ARL4A: variants seen among roughly 807,000 people sequenced by gnomAD.
The protein encoded by ARL4A is ADP-ribosylation factor-like protein 4A.
In ARL4A, 5 loss-of-function variants were observed where a neutral mutation model predicts 13.9. The observed-to-expected ratio is 0.36, with a 90% CI of 0.19 to 0.75. ARL4A has a LOEUF of 0.75. Among genes scored for constraint, ARL4A ranks in the 30% least tolerant of loss-of-function variants. The pLI, the probability that ARL4A is intolerant of heterozygous loss-of-function variation, is 0.53. For synonymous variants in ARL4A, 77 were observed against 84.4 expected (o/e 0.91, Z 0.48); for missense variants, 147 against 225.8 (o/e 0.65, Z 2.24).
Position 12,688,755 on chromosome 7 carries a change from C to A in ARL4A, c.501C>A (p.Thr167=). 4 of 1,613,944 alleles carry A rather than the reference C, an allele frequency of 2.5e-6. No homozygotes were observed. Among genetic ancestry groups the A allele is most frequent in the Non-Finnish European group, 3.4e-6 (4 of 1,179,858 alleles). ...CAACTCCTTGGCATTTGCAGCCTAC[C>A]TGTGCAATCATAGGAGATGGCCTAA... ...SSSTPWHLQP[T]CAIIGDGLKE... is the part of the protein sequence containing the mutation. Residue 167 remains threonine, a synonymous_variant, in exon 2 of 2, where the codon ACC becomes ACA. Transcript: ENST00000651779. The surrounding 1 kb of genome is among the most constrained non-coding windows in gnomAD (Gnocchi z 5.2).
Position 12,688,512 on chromosome 7 carries a change from G to C in ARL4A, c.258G>C (p.Trp86Cys). 1 of 1,612,004 alleles carries C rather than the reference G, an allele frequency of 6.2e-7. No individual in the cohort carries two copies. The highest frequency in any genetic ancestry group is 8.5e-7 in the Non-Finnish European group (1 of 1,179,822). The stretch of plus-strand genomic sequence containing the variant: ...GTCAGGAGAAATTAAGGCCACTGTG[G>C]AAGTCATATACCAGATGCACAGATG... ...VGGQEKLRPL[W>C]KSYTRCTDGI... Residue 86 changes from tryptophan to cysteine, a missense_variant, in exon 2 of 2, where the codon TGG becomes TGC. Physicochemically the swap from Trp to Cys is radical, Grantham distance 215. Coordinates refer to ENST00000651779, the MANE Select transcript of ARL4A (RefSeq NM_005738.5). This position sits in a 1 kb window ranked among gnomAD's most constrained non-coding sequence, Gnocchi z 5.2.
Position 12,689,445 on chromosome 7 carries a change from G to GTT in ARL4A, c.*590_*591dup, listed in dbSNP as rs1784582977. 6.0e-6 allele frequency: 1 copy of GTT among 167,206 alleles called. No homozygotes were observed. The highest frequency in any genetic ancestry group is 6.5e-5 in the Admixed American group (1 of 15,288). The allele number at this position is 167,206 out of a possible 1,614,324, so 10.4% of individuals were successfully genotyped here. A position where few individuals can be genotyped will look rare whatever the true frequency, so the allele number is the denominator to read the frequency against. Reference sequence around the variant, plus strand: ...ATAGTATAGCTTAATTCTAGACAATGTTTAAGTTGGTCTACCTTTATTAAA... The same window carrying GTT: ...ATAGTATAGCTTAATTCTAGACAATGTTTTTAAGTTGGTCTACCTTTATTAAA... On this transcript the variant is annotated 3_prime_UTR_variant, in exon 2 of 2. Transcript: ENST00000651779.
At position 12,688,878 on chromosome 7, in the gene ARL4A, T is replaced by C; in HGVS notation, c.*21T>C. 6.4e-7 allele frequency: 1 copy of C among 1,573,818 alleles called. No homozygotes were observed. The highest frequency in any genetic ancestry group is 1.4e-5 in the African/African-American group (1 of 73,148). The stretch of plus-strand genomic sequence containing the variant: ...GATGAATATCAATACCTATTATATC[T>C]GTGTGGAGTAGGTTTTCTCTGGTCT... On this transcript the variant is annotated 3_prime_UTR_variant, in exon 2 of 2. Coordinates refer to ENST00000651779, the MANE Select transcript of ARL4A (RefSeq NM_005738.5). This position sits in a 1 kb window ranked among gnomAD's most constrained non-coding sequence, Gnocchi z 5.2.
Position 12,688,301 on chromosome 7 carries a change from C to T in ARL4A, c.47C>T (p.Pro16Leu). The change falls in exon 2 of 2, where the codon CCT becomes CTT. Residue 16 changes from proline (P) to leucine (L), a missense_variant. Pro to Leu is a moderately conservative substitution (Grantham distance 98). Coordinates refer to ENST00000651779, the MANE Select transcript of ARL4A (RefSeq NM_005738.5). The surrounding 1 kb of genome is among the most constrained non-coding windows in gnomAD (Gnocchi z 5.2). The stretch of plus-strand genomic sequence containing the variant: ...CAGACTTCTATCCTGTCCAACCTGC[C>T]TTCATTTCAGTCTTTCCACATTGTT... ...SDQTSILSNL[P>L]SFQSFHIVIL... The T allele has an allele frequency of 1.9e-6, 3 of 1,612,754 alleles. No individual in the cohort carries two copies. The highest frequency in any genetic ancestry group is 2.5e-6 in the Non-Finnish European group (3 of 1,179,210).
In ARL4A at chr7:12,688,687, T is replaced by C. The variant is rs1562654706; in HGVS notation, c.433T>C (p.Ser145Pro). The change falls in exon 2 of 2, where the codon TCA (serine) becomes CCA (proline). Residue 145 changes from serine (S) to proline (P), a missense_variant. Physicochemically the swap from Ser to Pro is moderately conservative, Grantham distance 74 (BLOSUM62 -1). Coordinates refer to ENST00000651779, the MANE Select transcript of ARL4A (RefSeq NM_005738.5). This position sits in a 1 kb window ranked among gnomAD's most constrained non-coding sequence, Gnocchi z 5.2. Reference sequence around the variant, plus strand: ...AGATTTGAGGAACTCATTGTCACTTTCAGAAATTGAGAAATTGTTAGCAAT... The same window carrying C: ...AGATTTGAGGAACTCATTGTCACTTCCAGAAATTGAGAAATTGTTAGCAAT... Reference protein sequence around the residue: ...KQDLRNSLSLSEIEKLLAMGE... With the variant: ...KQDLRNSLSLPEIEKLLAMGE... 5.0e-6 allele frequency: 8 copies of C among 1,613,978 alleles called. No homozygotes were observed. The highest frequency in any genetic ancestry group is 1.7e-4 in the Middle Eastern group (1 of 6,056).
upstream of ARL4A, chr7:12,687,612 G>A (rs1299318230): frequency 2.6e-5 from 4 of 152,904 alleles, no homozygotes; most frequent in African/African-American, 9.6e-5. The surrounding 1 kb of genome is among the most constrained non-coding windows in gnomAD (Gnocchi z 5.6). Flanking sequence ...TGAGTCCAAG[G>A]TTTCTCGTGC....
At position 12,689,534 on chromosome 7, in the gene ARL4A, G is replaced by A. The variant is rs961826901; in HGVS notation, c.*677G>A. 1.2e-5 allele frequency: 2 copies of A among 166,766 alleles called. No homozygotes were observed. Among genetic ancestry groups the A allele is most frequent in the African/African-American group, 4.8e-5 (2 of 41,456 alleles). 10.3% of individuals were successfully genotyped at this position (166,766 alleles called of 1,614,324 possible). On this transcript the variant is annotated 3_prime_UTR_variant, in exon 2 of 2. Coordinates refer to ENST00000651779, the MANE Select transcript of ARL4A (RefSeq NM_005738.5). ...TTTTCCTGACAAAGCATGTTTTGGT[G>A]TGTAGTCTTACTTTTTAGAAATAGC...
At position 12,688,919 on chromosome 7, in the gene ARL4A, A is replaced by G; in HGVS notation, c.*62A>G. 1 of 1,486,512 alleles carries G rather than the reference A, an allele frequency of 6.7e-7. No individual in the cohort carries two copies. Among genetic ancestry groups the G allele is most frequent in the Non-Finnish European group, 9.1e-7 (1 of 1,102,066 alleles). 92.1% of individuals were successfully genotyped at this position (1,486,512 alleles called of 1,614,324 possible). On this transcript the variant is annotated 3_prime_UTR_variant, in exon 2 of 2. Transcript: ENST00000651779. The surrounding 1 kb of genome is among the most constrained non-coding windows in gnomAD (Gnocchi z 5.2). ...TCTCTGGTCTGATTTTGACAAATAGAAGAGTGTCTACAGCGTGGTTTGCCT... is the reference window on the plus strand; with the variant it reads ...TCTCTGGTCTGATTTTGACAAATAGGAGAGTGTCTACAGCGTGGTTTGCCT...
Position 12,689,195 on chromosome 7 carries a change from C to T in ARL4A, c.*338C>T. 4.5e-6 allele frequency: 1 copy of T among 221,262 alleles called. No homozygotes were observed. The highest frequency in any genetic ancestry group is 9.8e-6 in the Non-Finnish European group (1 of 101,810). The allele number at this position is 221,262 out of a possible 1,614,324, so 13.7% of individuals were successfully genotyped here. ...AAGAGTGTCTGCCTAGTGTTTTGTG[C>T]TTACATCTTTCGGGGGGAAGCCTTT... On this transcript the variant is annotated 3_prime_UTR_variant, in exon 2 of 2. Transcript: ENST00000651779.
In ARL4A at chr7:12,688,292, C is replaced by G. The variant is rs138127053; in HGVS notation, c.38C>G (p.Ser13Cys). The part of the protein sequence containing the change: ...NGLSDQTSIL[S>C]NLPSFQSFHI... The stretch of plus-strand genomic sequence containing the variant: ...CTGTCAGACCAGACTTCTATCCTGT[C>G]CAACCTGCCTTCATTTCAGTCTTTC... The change falls in exon 2 of 2, where the codon TCC becomes TGC. Residue 13 changes from serine (S) to cysteine (C), a missense_variant. By Grantham distance (112) the Ser-to-Cys change is moderately radical. Transcript: ENST00000651779. This position sits in a 1 kb window ranked among gnomAD's most constrained non-coding sequence, Gnocchi z 5.2. The G allele has an allele frequency of 2.3e-5, 37 of 1,611,532 alleles. 1 individual carries two copies. In the South Asian group the frequency reaches 3.8e-4, roughly 16 times the overall value.
chr7:12,687,252 T>C (rs1784534584), upstream of ARL4A: 1 of 152,118 alleles, frequency 6.6e-6, no homozygotes, highest in Non-Finnish European at 1.5e-5. The surrounding 1 kb of genome is among the most constrained non-coding windows in gnomAD (Gnocchi z 5.6). Flanking sequence ...GTTAACGCGT[T>C]GGCAGTGACT....
Position 12,688,598 on chromosome 7 carries a change from T to C in ARL4A, c.344T>C (p.Leu115Pro), listed in dbSNP as rs1784565378. Residue 115 changes from leucine (L) to proline (P), a missense_variant, in exon 2 of 2, where the codon CTT becomes CCT. Leu to Pro is a moderately conservative substitution (Grantham distance 98). Coordinates refer to ENST00000651779, the MANE Select transcript of ARL4A (RefSeq NM_005738.5). The surrounding 1 kb of genome is among the most constrained non-coding windows in gnomAD (Gnocchi z 5.2). Reference sequence around the variant, plus strand: ...AGGATGGAAGAAGCCAAAACTGAACTTCACAAAATAACTAGGATATCAGAA... The same window carrying C: ...AGGATGGAAGAAGCCAAAACTGAACCTCACAAAATAACTAGGATATCAGAA... ...VERMEEAKTELHKITRISENQ... is the reference protein window; with the variant it reads ...VERMEEAKTEPHKITRISENQ... The C allele has an allele frequency of 6.2e-7, 1 of 1,612,496 alleles. No homozygotes were observed. Among genetic ancestry groups the C allele is most frequent in the Non-Finnish European group, 8.5e-7 (1 of 1,179,838 alleles).
rs1784595812 is a variant in ARL4A at position 12,690,204 on chromosome 7, A to AT, written c.*1353dup. On this transcript the variant is annotated 3_prime_UTR_variant, in exon 2 of 2. Transcript: ENST00000651779. ...TGACCATATTTTACTAAATCAGCTTATTTTTTATGTCTAAAGCAACAGCTG... is the reference window on the plus strand; with the variant it reads ...TGACCATATTTTACTAAATCAGCTTATTTTTTTATGTCTAAAGCAACAGCTG... The AT allele has an allele frequency of 6.0e-6, 1 of 166,838 alleles. No homozygotes were observed. Among genetic ancestry groups the AT allele is most frequent in the Non-Finnish European group, 1.5e-5 (1 of 68,058 alleles). 10.3% of individuals were successfully genotyped at this position (166,838 alleles called of 1,614,324 possible).
Position 12,688,766 on chromosome 7 carries a change from T to C in ARL4A, c.512T>C (p.Ile171Thr), listed in dbSNP as rs772757406. Residue 171 changes from isoleucine (I) to threonine (T), a missense_variant, in exon 2 of 2, where the codon ATA becomes ACA. Transcript: ENST00000651779. This position sits in a 1 kb window ranked among gnomAD's most constrained non-coding sequence, Gnocchi z 5.2. ...CATTTGCAGCCTACCTGTGCAATCA[T>C]AGGAGATGGCCTAAAGGAAGGACTT... ...PWHLQPTCAI[I>T]GDGLKEGLEK... 3 of 1,613,848 alleles carry C rather than the reference T, an allele frequency of 1.9e-6. No individual in the cohort carries two copies. Among genetic ancestry groups the C allele is most frequent in the Non-Finnish European group, 1.7e-6 (2 of 1,179,852 alleles).
Position 12,690,526 on chromosome 7 carries a change from C to G in ARL4A, c.*1669C>G, listed in dbSNP as rs912040043. 1 of 166,590 alleles carries G rather than the reference C, an allele frequency of 6.0e-6. No individual in the cohort carries two copies. The highest frequency in any genetic ancestry group is 1.5e-5 in the Non-Finnish European group (1 of 68,048). The allele number at this position is 166,590 out of a possible 1,614,324, so 10.3% of individuals were successfully genotyped here. ...GAATTTTAATGTATTTCCACTTTTG[C>G]TGAAGCTTTTAATCAGATGTGTAAA... On this transcript the variant is annotated 3_prime_UTR_variant, in exon 2 of 2. Coordinates refer to ENST00000651779, the MANE Select transcript of ARL4A (RefSeq NM_005738.5).
At chr7:12,687,112 G>T (rs1459223679), upstream of ARL4A, 1 of 152,518 alleles carries the variant, frequency 6.6e-6, no homozygotes, top group Non-Finnish European at 1.5e-5. The surrounding 1 kb of genome is among the most constrained non-coding windows in gnomAD (Gnocchi z 5.6). Flanking sequence ...GGTCGTGTGC[G>T]GAGGGACAGG....
chr7:12,690,300 G>GTTT lies in ARL4A; in HGVS notation c.*1455_*1457dup. Reference sequence around the variant, plus strand: ...TTTTGGCTTTGGGTTTTGTTTTTTTGTTTTTTTTTTTTTTCAGTGGCATAA... The same window carrying GTTT: ...TTTTGGCTTTGGGTTTTGTTTTTTTGTTTTTTTTTTTTTTTTTCAGTGGCATAA... On this transcript the variant is annotated 3_prime_UTR_variant, in exon 2 of 2. Coordinates refer to ENST00000651779, the MANE Select transcript of ARL4A (RefSeq NM_005738.5). 6.6e-6 allele frequency: 1 copy of GTTT among 150,424 alleles called. No homozygotes were observed. The allele number at this position is 150,424 out of a possible 1,614,324, so 9.3% of individuals were successfully genotyped here.
chr7:12,688,195 G>A lies in ARL4A; in HGVS notation c.-60G>A, dbSNP rs1784556780. On this transcript the variant is annotated 5_prime_UTR_variant, in exon 2 of 2. Transcript: ENST00000651779. This position sits in a 1 kb window ranked among gnomAD's most constrained non-coding sequence, Gnocchi z 5.2. ...CTTATAGCTGGATCAGCTACCAAGA[G>A]AAGTTGTAAACCAAGAAGAGAAAAG... 8 of 1,516,968 alleles carry A rather than the reference G, an allele frequency of 5.3e-6. No individual in the cohort carries two copies. The highest frequency in any genetic ancestry group is 1.4e-5 in the South Asian group (1 of 73,884). 94.0% of individuals were successfully genotyped at this position (1,516,968 alleles called of 1,614,324 possible). A position where few individuals can be genotyped will look rare whatever the true frequency, so the allele number is the denominator to read the frequency against.
At position 12,688,444 on chromosome 7, in the gene ARL4A, G is replaced by A. The variant is rs750119218; in HGVS notation, c.190G>A (p.Gly64Arg). The A allele has an allele frequency of 1.2e-6, 2 of 1,613,158 alleles. No homozygotes were observed. The highest frequency in any genetic ancestry group is 1.1e-5 in the South Asian group (1 of 91,032). The part of the protein sequence containing the change: ...FNTEKIKVTL[G>R]NSKTVTFHFW... ...CACTGAGAAAATTAAGGTAACCTTG[G>A]GAAATTCTAAAACAGTCACTTTTCA... Residue 64 changes from glycine (G) to arginine (R), a missense_variant, in exon 2 of 2, where the codon GGA (glycine) becomes AGA (arginine). Physicochemically the swap from Gly to Arg is moderately radical, Grantham distance 125. Coordinates refer to ENST00000651779, the MANE Select transcript of ARL4A (RefSeq NM_005738.5). This position sits in a 1 kb window ranked among gnomAD's most constrained non-coding sequence, Gnocchi z 5.2.
Sources: allele counts gnomAD v4.1 joint callset, GRCh38; gene constraint gnomAD v4.1.1; non-coding constraint Gnocchi (gnomAD v3.1); transcripts MANE v1.5; gene names NCBI Gene and HGNC (gene_info 2026-07-23, HGNC 2026-07-21).